The following TBL1XR1 variants were observed in gnomAD, a reference collection of about 807,000 sequenced individuals.
TBL1XR1 encodes F-box-like/WD repeat-containing protein TBL1XR1.
TBL1XR1 carries 5 observed loss-of-function variants against 66.9 expected under a neutral mutation model. That is an observed-to-expected ratio of 0.07 (90% CI 0.04 to 0.16). The LOEUF is 0.16. TBL1XR1 is among the 10% of genes least tolerant of loss of function. The probability of loss-of-function intolerance (pLI) is 1.00; values close to 1 mark genes in which losing one functional copy is unlikely to be tolerated. For synonymous variants in TBL1XR1, 210 were observed against 206.0 expected (o/e 1.02, Z -0.17); for missense variants, 238 against 623.2 (o/e 0.38, Z 6.58).
At chr3:177,051,160 G>T (rs781496083) in intron 5 of TBL1XR1, among the ~76,000 whole-genome samples, 13 of 152,112 alleles carry the variant, frequency 8.5e-5, no homozygotes, top group Non-Finnish European at 1.9e-4. Context: ...ATAAAAATCT[G>T]AATTGAACTG....
At chr3:177,054,942 G>A (rs1416408043) in intron 3 of TBL1XR1, among the ~76,000 whole-genome samples, 1 of 152,028 alleles carries the variant, frequency 6.6e-6, no homozygotes, top group African/African-American at 2.4e-5. Context: ...CTAAGAAGCT[G>A]ATAAACCAAG....
chr3:177,060,821 A>C (rs1488233318), intron 3 of TBL1XR1, among the ~76,000 whole-genome samples: 2 of 152,268 alleles, frequency 1.3e-5, no homozygotes, highest in Non-Finnish European at 2.9e-5. Flanking sequence ...TTGCTAGATA[A>C]GTTATTAGGG....
rs183725642 is a variant in TBL1XR1, at chr3:177,134,945, C to T, written c.-121-36404G>A. Among the ~76,000 whole-genome samples the T allele has an allele frequency of 4.6e-5, 6 of 129,242 alleles. No individual in the cohort carries two copies. In the East Asian group the frequency reaches 1.3e-3, roughly 28 times the overall value. 84.8% of individuals were successfully genotyped at this position (129,242 alleles called of 152,430 possible). On this transcript the variant is annotated intron_variant, in intron 1 of 15. Transcript: ENST00000457928. Reference sequence around the variant, plus strand: ...CTGTATCACTCCTGGCACTGCAAGGCTGTGTGTGTGTGTGTGTGTGTCTGT... The same window carrying T: ...CTGTATCACTCCTGGCACTGCAAGGTTGTGTGTGTGTGTGTGTGTGTCTGT...
At chr3:177,120,017 C>A (rs1281482734) in intron 1 of TBL1XR1, among the ~76,000 whole-genome samples, 1 of 152,178 alleles carries the variant, frequency 6.6e-6, no homozygotes, top group Non-Finnish European at 1.5e-5. Flanking sequence ...AGGTGTCTCA[C>A]CAACCTTTAT....
At chr3:177,054,012 C>A in intron 3 of TBL1XR1, 94 bp from the exon 4 acceptor site, 6 of 1,328,414 alleles carry the variant, frequency 4.5e-6, no homozygotes, top group Non-Finnish European at 6.2e-6. Context: ...TTTTCAAATC[C>A]CATCCTACCC....
intron 1 of TBL1XR1, among the ~76,000 whole-genome samples, chr3:177,166,970 C>T (rs1489621905): frequency 2.0e-5 from 3 of 152,178 alleles, no homozygotes; most frequent in African/African-American, 7.2e-5. Context: ...ATACTCTTAC[C>T]ATATGATCCA....
Position 177,141,587 on chromosome 3 carries a change from T to G in TBL1XR1, c.-121-43046A>C, listed in dbSNP as rs1026340643. 1.6e-4 allele frequency among the ~76,000 whole-genome samples: 25 copies of G among 152,328 alleles called. No homozygotes were observed. The Middle Eastern group carries it at 0.014, about 83-fold the overall frequency. ...TATCGAAGTCTTAACAACAGCTGTATTTGGTGAATAGAATGAGCTCAAACT... is the reference window on the plus strand; with the variant it reads ...TATCGAAGTCTTAACAACAGCTGTAGTTGGTGAATAGAATGAGCTCAAACT... On this transcript the variant is annotated intron_variant, in intron 1 of 15. Transcript: ENST00000457928.
At chr3:177,184,442 A>C (rs1735177463) in intron 1 of TBL1XR1, among the ~76,000 whole-genome samples, 1 of 152,222 alleles carries the variant, frequency 6.6e-6, no homozygotes, top group African/African-American at 2.4e-5. Flanking sequence ...GTACTTCTGG[A>C]CAACCAAAAC....
chr3:177,060,290 T>C (rs973722768), intron 3 of TBL1XR1, among the ~76,000 whole-genome samples: 1 of 152,190 alleles, frequency 6.6e-6, no homozygotes, highest in African/African-American at 2.4e-5. Context: ...TTCTTAAAAA[T>C]GGAGACAGTA....
intron 3 of TBL1XR1, among the ~76,000 whole-genome samples, chr3:177,062,804 T>C (rs1248069111): frequency 2.6e-5 from 4 of 152,226 alleles, no homozygotes; most frequent in Admixed American, 6.5e-5. Context: ...CCTTAAAACA[T>C]GGAATTTTGA....
chr3:177,180,565 A>G (rs923237310), intron 1 of TBL1XR1, among the ~76,000 whole-genome samples: 8 of 152,130 alleles, frequency 5.3e-5, no homozygotes, highest in African/African-American at 1.9e-4. Context: ...TCAAAGTTTT[A>G]AAACCGAAAA....
intron 1 of TBL1XR1, among the ~76,000 whole-genome samples, chr3:177,162,834 AAAG>A (rs1406798518): frequency 1.3e-5 from 2 of 152,244 alleles, no homozygotes; most frequent in Non-Finnish European, 2.9e-5. Flanking sequence ...TCAAAATAAA[AAAG>A]AAATCAGAAA....
At position 177,149,173 on chromosome 3, in the gene TBL1XR1, C is replaced by T. The variant is rs572761319; in HGVS notation, c.-122+47948G>A. ...TAGCCATTTCCCGGTGATTGCAATGCGGAGTACCTGTCAATGGAACAGCAC... is the reference window on the plus strand; with the variant it reads ...TAGCCATTTCCCGGTGATTGCAATGTGGAGTACCTGTCAATGGAACAGCAC... On this transcript the variant is annotated intron_variant, in intron 1 of 15. Coordinates refer to ENST00000457928, the MANE Select transcript of TBL1XR1 (RefSeq NM_024665.7). Among the ~76,000 whole-genome samples the T allele has an allele frequency of 7.2e-5, 11 of 152,282 alleles. No individual in the cohort carries two copies. In the Middle Eastern group the frequency reaches 0.01, roughly 141 times the overall value.
At chr3:177,038,071 C>T (rs1284797490) in intron 12 of TBL1XR1, 27 bp downstream of exon 12, 6 of 1,607,324 alleles carry the variant, frequency 3.7e-6, no homozygotes, top group African/African-American at 2.7e-5. Flanking sequence ...ACACCGCCAA[C>T]CCATTTCTCC....
At chr3:177,102,823 T>C (rs1724394462) in intron 1 of TBL1XR1, among the ~76,000 whole-genome samples, 1 of 152,112 alleles carries the variant, frequency 6.6e-6, no homozygotes, top group Admixed American at 6.6e-5. Flanking sequence ...GCTTCCTCCA[T>C]TAATTATCCA....
chr3:177,100,860 G>C (rs540876113), intron 1 of TBL1XR1, among the ~76,000 whole-genome samples: 1 of 126,242 alleles, frequency 7.9e-6, no homozygotes, highest in South Asian at 3.2e-4. Flanking sequence ...CTTTTTCTTT[G>C]GTTTTTTTTT....
intron 1 of TBL1XR1, among the ~76,000 whole-genome samples, chr3:177,107,374 T>TA (rs1306082134): frequency 6.6e-6 from 1 of 152,212 alleles, no homozygotes; most frequent in African/African-American, 2.4e-5. Context: ...AAAGTTGGCA[T>TA]AATCTAGACA....
intron 1 of TBL1XR1, among the ~76,000 whole-genome samples, chr3:177,108,499 G>A (rs779932071): frequency 5.3e-5 from 8 of 152,116 alleles, no homozygotes; most frequent in Non-Finnish European, 8.8e-5. Flanking sequence ...GTATTAGACA[G>A]CTTGATAACA....
chr3:177,055,198 G>T (rs375114510), intron 3 of TBL1XR1, among the ~76,000 whole-genome samples: 95 of 152,016 alleles, frequency 6.2e-4, no homozygotes, highest in African/African-American at 2.2e-3. Context: ...TGTCTTTTTT[G>T]GATTTTGTGC....
Sources: allele counts gnomAD v4.1 joint callset (sites outside exome capture counted in the v4.1 genomes callset), GRCh38; gene constraint gnomAD v4.1.1; transcripts MANE v1.5; gene names NCBI Gene and HGNC (gene_info 2026-07-23, HGNC 2026-07-21).